GRIA1: variants seen among roughly 807,000 people sequenced by gnomAD.
GRIA1 encodes glutamate receptor 1.
A neutral mutation model predicts 99.2 loss-of-function variants in GRIA1; 31 were observed. The ratio of observed to expected loss-of-function variants is 0.31; its 90% confidence interval spans 0.23 to 0.42. The LOEUF (loss-of-function observed/expected upper bound fraction) is 0.42. Ranked by LOEUF, GRIA1 falls within the 10% of genes least tolerant of loss-of-function variation. The pLI is 1.00. For missense variants in GRIA1, 782 were observed against 1,157.5 expected, an observed-to-expected ratio of 0.68 and a Z score of 4.71; for synonymous variants, 438 against 432.4, an observed-to-expected ratio of 1.01 and a Z score of -0.16.
At chr5:153,515,912 T>C (rs1756577602) in intron 2 of GRIA1, among the ~76,000 whole-genome samples, 1 of 152,278 alleles carries the variant, frequency 6.6e-6, no homozygotes, top group East Asian at 1.9e-4. Context: ...AAGGGTTGCA[T>C]AGATGAATAG....
chr5:153,549,967 C>T (rs75721783), intron 2 of GRIA1, among the ~76,000 whole-genome samples: 2 of 152,212 alleles, frequency 1.3e-5, no homozygotes, highest in South Asian at 2.1e-4. Context: ...CGCTTACTAT[C>T]GGTATGAAAT....
At chr5:153,725,111 GA>G (rs1364340893) in intron 11 of GRIA1, among the ~76,000 whole-genome samples, 1 of 152,044 alleles carries the variant, frequency 6.6e-6, no homozygotes, top group African/African-American at 2.4e-5. Flanking sequence ...TTACAGAAAA[GA>G]ATTTTCAACC....
chr5:153,546,683 C>T (rs1012778426), intron 2 of GRIA1, among the ~76,000 whole-genome samples: 5 of 152,198 alleles, frequency 3.3e-5, no homozygotes, highest in African/African-American at 9.7e-5. Flanking sequence ...GTGCCAAAGT[C>T]AGGCCTCAAA....
chr5:153,706,128 G>GTTTTTTTTTTTTTTT, intron 11 of GRIA1, 61 bp downstream of exon 11: 1 of 1,503,586 alleles, frequency 6.7e-7, no homozygotes, highest in African/African-American at 1.4e-5. Flanking sequence ...TTGTTTGTTT[G>GTTTTTTTTTTTTTTT]TTTGTTTTTT....
At chr5:153,697,297 C>T (rs1013383138) in intron 8 of GRIA1, among the ~76,000 whole-genome samples, 19 of 152,238 alleles carry the variant, frequency 1.2e-4, no homozygotes, top group African/African-American at 4.3e-4. Flanking sequence ...CAAGCCCTAT[C>T]TCTCAGACTT....
chr5:153,729,975 T>TA (rs1012283920), intron 11 of GRIA1, among the ~76,000 whole-genome samples: 1 of 152,020 alleles, frequency 6.6e-6, no homozygotes, highest in African/African-American at 2.4e-5. Context: ...CTTAATTGAG[T>TA]AAAAAAATGC....
chr5:153,701,185 C>T (rs765659193), intron 10 of GRIA1, among the ~76,000 whole-genome samples: 74 of 152,308 alleles, frequency 4.9e-4, no homozygotes, highest in Non-Finnish European at 8.7e-4. Context: ...CCAGGATCAT[C>T]CCCAGTAGCC....
At chr5:153,494,090 G>A in intron 2 of GRIA1, 25 bp downstream of exon 2, 1 of 1,611,132 alleles carries the variant, frequency 6.2e-7, no homozygotes, top group Non-Finnish European at 8.5e-7. Context: ...CTATTTCTGA[G>A]ATGTCTTTCT....
At chr5:153,767,611 AC>A (rs1763601505) in intron 12 of GRIA1, among the ~76,000 whole-genome samples, 1 of 152,144 alleles carries the variant, frequency 6.6e-6, no homozygotes, top group African/African-American at 2.4e-5. Flanking sequence ...AGATAAGGTT[AC>A]CTACCACCCC....
intron 10 of GRIA1, among the ~76,000 whole-genome samples, chr5:153,704,641 A>G (rs1758761551): frequency 2.0e-5 from 3 of 152,332 alleles, no homozygotes; most frequent in East Asian, 1.9e-4. Context: ...TTACCTTTTC[A>G]TCACAGGCTA....
intron 9 of GRIA1, among the ~76,000 whole-genome samples, chr5:153,698,544 C>G (rs940392252): frequency 6.2e-4 from 95 of 152,138 alleles, no homozygotes; most frequent in Non-Finnish European, 8.2e-4. Flanking sequence ...TCATGAGAAA[C>G]CTGGAGCCTG....
chr5:153,589,759 C>G (rs1186409671), intron 2 of GRIA1, among the ~76,000 whole-genome samples: 1 of 151,918 alleles, frequency 6.6e-6, no homozygotes, highest in Non-Finnish European at 1.5e-5. Flanking sequence ...CTATCGAGAA[C>G]AGAAAAAAGA....
chr5:153,548,502 T>G (rs929145738), intron 2 of GRIA1, among the ~76,000 whole-genome samples: 1 of 152,164 alleles, frequency 6.6e-6, no homozygotes, highest in African/African-American at 2.4e-5. Flanking sequence ...GGGGCATATT[T>G]GGGACTAAAA....
chr5:153,696,855 G>GGGGTGTGTGT (rs1758141796), intron 8 of GRIA1, among the ~76,000 whole-genome samples: 3 of 111,406 alleles, frequency 2.7e-5, no homozygotes, highest in South Asian at 8.6e-4. Flanking sequence ...ATAGCTTTAG[G>GGGGTGTGTGT]GTGTGTATGT....
At chr5:153,702,516 C>CT (rs1277098073) in intron 10 of GRIA1, among the ~76,000 whole-genome samples, 1 of 152,192 alleles carries the variant, frequency 6.6e-6, no homozygotes, top group African/African-American at 2.4e-5. Flanking sequence ...TCACTTTATG[C>CT]TTTTTTCTAC....
chr5:153,588,030 A>G (rs1763643312), intron 2 of GRIA1, among the ~76,000 whole-genome samples: 1 of 152,234 alleles, frequency 6.6e-6, no homozygotes, highest in South Asian at 2.1e-4. Flanking sequence ...AAGGTATCGA[A>G]TGGAGGAAAG....
chr5:153,560,984 A>AT (rs925129627), intron 2 of GRIA1, among the ~76,000 whole-genome samples: 2 of 151,074 alleles, frequency 1.3e-5, no homozygotes, highest in African/African-American at 2.4e-5. Flanking sequence ...AGGAGCAGGG[A>AT]TTTTTTTTAG....
chr5:153,674,978 A>C (rs1478665364), intron 6 of GRIA1, among the ~76,000 whole-genome samples: 5 of 152,158 alleles, frequency 3.3e-5, no homozygotes, highest in Non-Finnish European at 7.3e-5. Context: ...TGTCATCCAC[A>C]TACGGCTGCT....
chr5:153,763,778 A>G (rs1763333488), intron 11 of GRIA1, among the ~76,000 whole-genome samples: 1 of 152,230 alleles, frequency 6.6e-6, no homozygotes, highest in Admixed American at 6.5e-5. Context: ...ATAATTGATT[A>G]TCATATTTGC....
Sources: allele counts gnomAD v4.1 joint callset (sites outside exome capture counted in the v4.1 genomes callset), GRCh38; gene constraint gnomAD v4.1.1; transcripts MANE v1.5; gene names NCBI Gene and HGNC (gene_info 2026-07-23, HGNC 2026-07-21).